The following PCDH15 variants were observed in gnomAD, a reference collection of about 807,000 sequenced individuals.
PCDH15 encodes the protein protocadherin related 15.
Under a neutral mutation model 178.5 loss-of-function variants are expected in PCDH15, and 129 were observed. The ratio of observed to expected loss-of-function variants is 0.72; its 90% CI spans 0.63 to 0.84. The LOEUF is 0.84. Among genes scored for constraint, PCDH15 ranks in the 40% least tolerant of loss-of-function variants. The pLI, the probability that PCDH15 is intolerant of heterozygous loss-of-function variation, is 0.00. For missense variants in PCDH15, 2,230 were observed against 2,099.9 expected (o/e 1.06, Z -1.21); for synonymous variants, 800 against 732.0 (o/e 1.09, Z -1.50).
intron 1 of PCDH15, among the ~76,000 whole-genome samples, chr10:55,189,344 A>G (rs1419065181): frequency 1.3e-5 from 2 of 151,954 alleles, no homozygotes; most frequent in African/African-American, 2.4e-5. Flanking sequence ...CAGATCATGT[A>G]AAGATTTTTT....
intron 2 of PCDH15, among the ~76,000 whole-genome samples, chr10:54,637,137 A>C (rs2093874850): frequency 6.7e-6 from 1 of 148,286 alleles, no homozygotes; most frequent in Admixed American, 6.6e-5. Context: ...AAAAAAAAAA[A>C]AAAACAATTC....
At chr10:55,293,454 C>T (rs539264061) in intron 1 of PCDH15, among the ~76,000 whole-genome samples, 3 of 152,190 alleles carry the variant, frequency 2.0e-5, no homozygotes, top group Admixed American at 2.0e-4. Context: ...ACTTGAATTT[C>T]TCCTCAGAAA....
At chr10:55,121,912 T>C (rs1037936122) in intron 2 of PCDH15, among the ~76,000 whole-genome samples, 2 of 152,108 alleles carry the variant, frequency 1.3e-5, no homozygotes, top group Non-Finnish European at 2.9e-5. Context: ...CTGTGAGAAA[T>C]AAATGGCTGC....
chr10:54,752,505 AC>A (rs757283753), intron 1 of PCDH15, among the ~76,000 whole-genome samples: 8,159 of 87,822 alleles, frequency 0.093, 1,490 homozygotes, highest in Middle Eastern at 0.21. Flanking sequence ...AAAACAAAAA[AC>A]AAAAAACAAA....
At chr10:55,127,493 T>A (rs115774187) in intron 2 of PCDH15, among the ~76,000 whole-genome samples, 1,751 of 152,140 alleles carry the variant, frequency 0.012, 42 homozygotes, top group African/African-American at 0.039. Flanking sequence ...ACTGACCAAG[T>A]AATACCCCTG....
intron 2 of PCDH15, among the ~76,000 whole-genome samples, chr10:55,442,469 A>T (rs1380318572): frequency 5.8e-5 from 4 of 68,694 alleles, no homozygotes; most frequent in Non-Finnish European, 1.1e-4. Context: ...ATATATATAT[A>T]TTATATATAT....
At chr10:55,241,007 G>C (rs941025409) in intron 1 of PCDH15, among the ~76,000 whole-genome samples, 3 of 152,274 alleles carry the variant, frequency 2.0e-5, no homozygotes, top group East Asian at 1.9e-4. Flanking sequence ...ACGAGGTCAG[G>C]AGATCGAGAC....
intron 2 of PCDH15, among the ~76,000 whole-genome samples, chr10:54,939,557 G>A (rs1412779012): frequency 2.1e-5 from 3 of 145,796 alleles, no homozygotes; most frequent in Non-Finnish European, 4.5e-5. Flanking sequence ...TTGGTAGTTC[G>A]TAGTATTCAT....
intron 15 of PCDH15, among the ~76,000 whole-genome samples, chr10:54,090,534 C>T (rs527585058): frequency 3.3e-5 from 5 of 151,196 alleles, no homozygotes; most frequent in Non-Finnish European, 7.4e-5. Flanking sequence ...ACCCCAGCTA[C>T]TTGGGAGGCT....
chr10:54,002,303 AC>A (rs959082029), intron 20 of PCDH15, among the ~76,000 whole-genome samples: 8 of 152,088 alleles, frequency 5.3e-5, no homozygotes, highest in African/African-American at 1.9e-4. Flanking sequence ...AAGAAAATCA[AC>A]AAAGAAACAT....
chr10:54,552,506 C>T (rs368335558), intron 2 of PCDH15, among the ~76,000 whole-genome samples: 6 of 152,130 alleles, frequency 3.9e-5, no homozygotes, highest in East Asian at 1.9e-4. Context: ...AGAATACAGC[C>T]GCTAATACCA....
At chr10:53,888,318 G>GTATATATATGTATGTACATATATA (rs1238264864) in intron 26 of PCDH15, among the ~76,000 whole-genome samples, 40,965 of 90,144 alleles carry the variant, frequency 0.45, 11,824 homozygotes, top group East Asian at 0.65. Flanking sequence ...ATGTATATAT[G>GTATATATATGTATGTACATATATA]TACGTATATA....
intron 2 of PCDH15, among the ~76,000 whole-genome samples, chr10:54,962,288 A>C (rs1484186932): frequency 6.6e-6 from 1 of 151,900 alleles, no homozygotes; most frequent in Admixed American, 6.6e-5. Context: ...CTCTGCTGGC[A>C]CTGGGCAGCC....
At chr10:54,663,400 T>C (rs2135412870) in intron 2 of PCDH15, among the ~76,000 whole-genome samples, 1 of 149,388 alleles carries the variant, frequency 6.7e-6, no homozygotes, top group East Asian at 1.9e-4. Flanking sequence ...GGAAACATTT[T>C]CCATTTTTGT....
chr10:55,210,397 A>T (rs1332672624), intron 1 of PCDH15, among the ~76,000 whole-genome samples: 1 of 151,912 alleles, frequency 6.6e-6, no homozygotes, highest in Non-Finnish European at 1.5e-5. Context: ...AGAAAAGATC[A>T]CTGAAGTATT....
At chr10:55,419,835 T>C (rs1299193440) in intron 2 of PCDH15, among the ~76,000 whole-genome samples, 1 of 151,640 alleles carries the variant, frequency 6.6e-6, no homozygotes, top group East Asian at 1.9e-4. Context: ...CTATAGTGCA[T>C]TTTATTGGGG....
chr10:55,140,945 C>T (rs1023371705), intron 2 of PCDH15, among the ~76,000 whole-genome samples: 2 of 152,066 alleles, frequency 1.3e-5, no homozygotes. Flanking sequence ...TACTCTTTTT[C>T]ATTCCTGATA....
At chr10:53,816,653 G>A (rs1361115698) in intron 34 of PCDH15, among the ~76,000 whole-genome samples, 2 of 152,112 alleles carry the variant, frequency 1.3e-5, no homozygotes, top group South Asian at 2.1e-4. Context: ...CTTGTTTTAA[G>A]TTGCCCTTCT....
intron 2 of PCDH15, among the ~76,000 whole-genome samples, chr10:55,004,727 A>T (rs1425996876): frequency 6.6e-6 from 1 of 152,146 alleles, no homozygotes; most frequent in Non-Finnish European, 1.5e-5. Flanking sequence ...GCACTTGAAT[A>T]ACCCTCTTCC....
Sources: gnomAD v4.1 joint callset for allele counts (sites outside exome capture counted in the v4.1 genomes callset) on GRCh38, gnomAD v4.1.1 for gene constraint, MANE v1.5 for transcripts, NCBI Gene and HGNC (gene_info 2026-07-23, HGNC 2026-07-21) for gene names.